Variants in LYPLAL1 observed in about 807,000 individuals in gnomAD.
LYPLAL1 encodes lysophospholipase like 1, also known as lysophospholipase-like protein 1.
Under a neutral mutation model 19.7 loss-of-function variants are expected in LYPLAL1, and 23 were observed. The ratio of observed to expected loss-of-function variants is 1.17; its 90% confidence interval spans 0.84 to 1.65. LYPLAL1 has a LOEUF of 1.65. Ranked by LOEUF, LYPLAL1 falls within the 40% of genes most tolerant of loss-of-function variation. The pLI, the probability that LYPLAL1 is intolerant of heterozygous loss-of-function variation, is 0.00. For synonymous variants in LYPLAL1, 119 were observed against 96.3 expected (o/e 1.24, Z -1.38); for missense variants, 355 against 279.4 (o/e 1.27, Z -1.93).
At chr1:219,374,238 A>G in the LYPLAL1 span, among the ~76,000 whole-genome samples, 7 of 151,904 alleles carry the variant, frequency 4.6e-5, no homozygotes, top group Non-Finnish European at 8.8e-5. Context: ...TTAAAATCCA[A>G]TTGGCAGAGA....
the LYPLAL1 span, among the ~76,000 whole-genome samples, chr1:219,243,015 C>T: frequency 2.6e-5 from 4 of 152,020 alleles, no homozygotes; most frequent in Non-Finnish European, 4.4e-5. Flanking sequence ...AACTGCAATC[C>T]GAAACAGGGG....
the LYPLAL1 span, among the ~76,000 whole-genome samples, chr1:219,435,661 C>T: frequency 2.0e-5 from 3 of 151,886 alleles, no homozygotes; most frequent in Non-Finnish European, 1.5e-5. Flanking sequence ...CCCGTCTGTA[C>T]TAAAAATACA....
the LYPLAL1 span, among the ~76,000 whole-genome samples, chr1:219,401,224 GTTTA>G: frequency 3.3e-5 from 5 of 151,114 alleles, no homozygotes; most frequent in South Asian, 2.1e-4. Context: ...GATTAATACT[GTTTA>G]TTTATTTGGC....
At chr1:219,257,002 T>C in the LYPLAL1 span, among the ~76,000 whole-genome samples, 1 of 152,038 alleles carries the variant, frequency 6.6e-6, no homozygotes, top group African/African-American at 2.4e-5. Context: ...TAGTAAATAT[T>C]CCATGTGCAC....
chr1:219,363,985 G>A, the LYPLAL1 span, among the ~76,000 whole-genome samples: 19 of 152,090 alleles, frequency 1.2e-4, no homozygotes, highest in African/African-American at 4.3e-4. Context: ...GAAGTCTGCT[G>A]AAGGCTTCTT....
chr1:219,381,480 C>T, the LYPLAL1 span, among the ~76,000 whole-genome samples: 2 of 152,152 alleles, frequency 1.3e-5, no homozygotes, highest in African/African-American at 4.8e-5. Flanking sequence ...TATTTTCTAT[C>T]CAAGAGAAAA....
the LYPLAL1 span, among the ~76,000 whole-genome samples, chr1:219,379,267 A>G: frequency 6.6e-6 from 1 of 152,196 alleles, no homozygotes; most frequent in Admixed American, 6.5e-5. Flanking sequence ...AAAATGTAGG[A>G]TACAAAGGCA....
the LYPLAL1 span, among the ~76,000 whole-genome samples, chr1:219,402,163 T>A: frequency 2.6e-5 from 4 of 152,190 alleles, no homozygotes; most frequent in African/African-American, 9.7e-5. Flanking sequence ...TTTATTTAAC[T>A]TGTATTCTGT....
the LYPLAL1 span, among the ~76,000 whole-genome samples, chr1:219,424,492 C>A: frequency 2.0e-5 from 3 of 152,098 alleles, no homozygotes; most frequent in Non-Finnish European, 4.4e-5. Context: ...ATATTTTGTG[C>A]CCTGGACCAT....
At chr1:219,209,369 A>C (rs917252896) in intron 3 of LYPLAL1, among the ~76,000 whole-genome samples, 2 of 152,132 alleles carry the variant, frequency 1.3e-5, no homozygotes, top group Admixed American at 1.3e-4. Flanking sequence ...ATAAATATCA[A>C]GGGATAGTAG....
At chr1:219,279,150 C>T in the LYPLAL1 span, among the ~76,000 whole-genome samples, 1 of 152,154 alleles carries the variant, frequency 6.6e-6, no homozygotes, top group Non-Finnish European at 1.5e-5. Context: ...CCTCCGCCAA[C>T]AGCTAAGAGA....
chr1:219,228,351 T>C, the LYPLAL1 span, among the ~76,000 whole-genome samples: 1 of 152,054 alleles, frequency 6.6e-6, no homozygotes. Context: ...GGAGAGCAGA[T>C]ACCCGAATGT....
the LYPLAL1 span, among the ~76,000 whole-genome samples, chr1:219,255,686 G>A: frequency 2.6e-5 from 4 of 151,882 alleles, no homozygotes; most frequent in African/African-American, 9.7e-5. Flanking sequence ...ACATCAAGAC[G>A]AAATCTTTTA....
At chr1:219,357,475 T>G in the LYPLAL1 span, among the ~76,000 whole-genome samples, 2 of 152,206 alleles carry the variant, frequency 1.3e-5, no homozygotes, top group South Asian at 4.2e-4. Flanking sequence ...TTAAGGAAAT[T>G]AAAACAAAAT....
chr1:219,176,090 T>C (rs561113780), intron 1 of LYPLAL1, among the ~76,000 whole-genome samples: 23 of 152,358 alleles, frequency 1.5e-4, no homozygotes, highest in Non-Finnish European at 2.8e-4. Flanking sequence ...GATTTTCTTC[T>C]AGGAGATAGC....
At chr1:219,215,045 C>T (rs1432832231), downstream of LYPLAL1, among the ~76,000 whole-genome samples, 1 of 152,118 alleles carries the variant, frequency 6.6e-6, no homozygotes, top group Non-Finnish European at 1.5e-5. Context: ...TACCTATCTA[C>T]CCATGAAGAT....
At chr1:219,421,711 T>C in the LYPLAL1 span, among the ~76,000 whole-genome samples, 2 of 151,412 alleles carry the variant, frequency 1.3e-5, no homozygotes, top group African/African-American at 4.9e-5. Context: ...AAACAGAAGA[T>C]GAGGAGGAAT....
At chr1:219,344,961 C>T in the LYPLAL1 span, among the ~76,000 whole-genome samples, 3 of 152,148 alleles carry the variant, frequency 2.0e-5, no homozygotes, top group South Asian at 4.1e-4. Flanking sequence ...CCACAAAATC[C>T]TCCCCATATT....
intron 2 of LYPLAL1, among the ~76,000 whole-genome samples, chr1:219,190,758 A>T (rs184411026): frequency 4.6e-5 from 7 of 151,798 alleles, no homozygotes; most frequent in Non-Finnish European, 1.0e-4. Context: ...TTAAACAAGA[A>T]AAAAATTGAA....
Sources: allele counts gnomAD v4.1 joint callset (sites outside exome capture counted in the v4.1 genomes callset), GRCh38; gene constraint gnomAD v4.1.1; transcripts MANE v1.5; gene names NCBI Gene and HGNC (gene_info 2026-07-23, HGNC 2026-07-21).